The following ACYP1 variants were observed in gnomAD, a reference collection of about 807,000 sequenced individuals.
The protein encoded by ACYP1 is acylphosphatase 1, also known as acylphosphatase-1.
In ACYP1, 8 loss-of-function variants were observed where a neutral mutation model predicts 10.4. The observed-to-expected ratio is 0.77, with a 90% CI of 0.45 to 1.38. ACYP1 has a LOEUF of 1.38. Ranked by LOEUF, ACYP1 falls within the 40% of genes most tolerant of loss-of-function variation. ACYP1 has a pLI of 0.00. For synonymous variants in ACYP1, 38 were observed against 40.8 expected (o/e 0.93, Z 0.26); for missense variants, 93 against 117.3 (o/e 0.79, Z 0.96).
upstream of ACYP1, chr14:75,064,117 G>A (rs544502981): frequency 6.5e-5 from 54 of 824,552 alleles, no homozygotes; most frequent in South Asian, 2.9e-3. Flanking sequence ...ACGGCGCCTC[G>A]GCCCGGGCCC....
intron 2 of ACYP1, among the ~76,000 whole-genome samples, chr14:75,054,868 G>C (rs1353336494): frequency 6.6e-6 from 1 of 151,384 alleles, no homozygotes; most frequent in African/African-American, 2.4e-5. Flanking sequence ...AGAATGCTGA[G>C]AATGAATTTT....
In ACYP1 at chr14:75,061,774, T is replaced by C. The variant is rs1465047099; in HGVS notation, c.84+1696A>G. ...TCAACAGTCATTTCCTATTTGAGTG[T>C]CAGATGGGAAGAAATGATTTTTGAA... On this transcript the variant is annotated intron_variant, in intron 2 of 2. Transcript: ENST00000238618. 9.0e-6 allele frequency: 14 copies of C among 1,559,612 alleles called. No individual in the cohort carries two copies. In the South Asian group the frequency reaches 1.6e-4, roughly 18 times the overall value.
chr14:75,055,079 CTTTTTTTTTT>C (rs33920224), intron 2 of ACYP1, among the ~76,000 whole-genome samples: 2 of 75,084 alleles, frequency 2.7e-5, no homozygotes, highest in Non-Finnish European at 2.3e-5. Flanking sequence ...TATCTGAACT[CTTTTTTTTTT>C]TTTTTTTTTT....
chr14:75,067,177 G>A (rs1049802791), upstream of ACYP1, among the ~76,000 whole-genome samples: 7 of 134,792 alleles, frequency 5.2e-5, no homozygotes, highest in Admixed American at 1.5e-4. Flanking sequence ...GAGAATGTCT[G>A]GAACTACACA....
At chr14:75,067,312 T>C (rs550005274), upstream of ACYP1, among the ~76,000 whole-genome samples, 14 of 151,776 alleles carry the variant, frequency 9.2e-5, no homozygotes, top group African/African-American at 3.1e-4. Context: ...TGGAAGAAGA[T>C]GGAGCAAGAA....
upstream of ACYP1, chr14:75,064,170 A>C: frequency 3.1e-6 from 1 of 325,702 alleles, no homozygotes; most frequent in Non-Finnish European, 4.4e-6. Context: ...CCGGCAACCC[A>C]AAAGCTTTGG....
upstream of ACYP1, among the ~76,000 whole-genome samples, chr14:75,066,603 C>T (rs1162069656): frequency 3.3e-5 from 5 of 152,152 alleles, no homozygotes; most frequent in African/African-American, 7.2e-5. Context: ...TGATGGCTCA[C>T]GTTTGTAATC....
In ACYP1 at chr14:75,059,762, A is replaced by AT. The variant is rs559698050; in HGVS notation, c.84+3707dup. 8.5e-5 allele frequency: 13 copies of AT among 152,726 alleles called. 1 individual carries two copies. The South Asian group carries it at 2.7e-3, about 31-fold the overall frequency. The allele number at this position is 152,726 out of a possible 1,614,324, so 9.5% of individuals were successfully genotyped here. On this transcript the variant is annotated intron_variant, in intron 2 of 2. Transcript: ENST00000238618. ...ACTGAAAGTATACACATACAACAGG[A>AT]TATTATTCCGTCTTACAAAGAAAGG...
chr14:75,069,109 C>A (rs1893225922), intron 1 of ACYP1: 1 of 1,176,384 alleles, frequency 8.5e-7, no homozygotes. Flanking sequence ...TTAGATTGGC[C>A]ACAAAAACTA....
chr14:75,055,798 A>G (rs1892863448), intron 2 of ACYP1, among the ~76,000 whole-genome samples: 1 of 151,508 alleles, frequency 6.6e-6, no homozygotes, highest in South Asian at 2.1e-4. Context: ...ATTAATGGAA[A>G]GCAGAAGAAT....
At chr14:75,062,665 A>AT (rs1310580514) in intron 2 of ACYP1, among the ~76,000 whole-genome samples, 1 of 149,854 alleles carries the variant, frequency 6.7e-6, no homozygotes, top group Non-Finnish European at 1.5e-5. Flanking sequence ...AATACAAAAA[A>AT]AAAAAAAAAA....
At chr14:75,056,537 T>C (rs1209605835) in intron 2 of ACYP1, among the ~76,000 whole-genome samples, 1 of 151,042 alleles carries the variant, frequency 6.6e-6, no homozygotes, top group African/African-American at 2.5e-5. Flanking sequence ...ATGATCCTCC[T>C]TCCTCAGCCT....
chr14:75,064,697 GC>G (rs529612447), upstream of ACYP1, among the ~76,000 whole-genome samples: 421 of 152,196 alleles, frequency 2.8e-3, 1 homozygote, highest in Non-Finnish European at 3.6e-3. Flanking sequence ...TTGCCCCACT[GC>G]ACTCCAGCCT....
upstream of ACYP1, among the ~76,000 whole-genome samples, chr14:75,067,131 C>G (rs1164750240): frequency 6.6e-6 from 1 of 151,298 alleles, no homozygotes; most frequent in Non-Finnish European, 1.5e-5. Context: ...CAGGTGAAAC[C>G]TGAAATTTCA....
At chr14:75,066,591 C>T (rs1183075186), upstream of ACYP1, among the ~76,000 whole-genome samples, 2 of 152,102 alleles carry the variant, frequency 1.3e-5, no homozygotes, top group South Asian at 2.1e-4. Context: ...ATAGGCCAGG[C>T]GTGATGGCTC....
chr14:75,053,275 T>C lies in ACYP1; in HGVS notation c.*169A>G. The C allele has an allele frequency of 1.6e-6, 1 of 640,342 alleles. No homozygotes were observed. Among genetic ancestry groups the C allele is most frequent in the East Asian group, 2.8e-5 (1 of 35,984 alleles). 39.7% of individuals were successfully genotyped at this position (640,342 alleles called of 1,614,324 possible). ...CTAACGTTTTTATTGATTAGATTTG[T>C]GTACAGTGGTAATCCTTCCATCATA... On this transcript the variant is annotated 3_prime_UTR_variant, in exon 3 of 3. Coordinates refer to ENST00000238618, the MANE Select transcript of ACYP1 (RefSeq NM_001107.5).
chr14:75,057,815 A>C (rs1384326284), intron 2 of ACYP1, among the ~76,000 whole-genome samples: 3 of 150,116 alleles, frequency 2.0e-5, no homozygotes, highest in African/African-American at 7.5e-5. Flanking sequence ...AAATACAAAA[A>C]TTAGCCGGGC....
intron 2 of ACYP1, among the ~76,000 whole-genome samples, chr14:75,059,687 T>C (rs750287122): frequency 6.6e-6 from 1 of 152,136 alleles, no homozygotes; most frequent in Non-Finnish European, 1.5e-5. Context: ...AATAAGCACA[T>C]GAAAAGATGC....
intron 2 of ACYP1, chr14:75,060,246 T>A (rs1566619255): frequency 1.4e-6 from 1 of 693,158 alleles, no homozygotes; most frequent in Non-Finnish European, 2.6e-6. Context: ...TTAAATCCTT[T>A]TAAATTCATT....
Sources: gnomAD v4.1 joint callset for allele counts (sites outside exome capture counted in the v4.1 genomes callset) on GRCh38, gnomAD v4.1.1 for gene constraint, MANE v1.5 for transcripts, NCBI Gene and HGNC (gene_info 2026-07-23, HGNC 2026-07-21) for gene names.